MYEF2: variants seen among roughly 807,000 people sequenced by gnomAD.
MYEF2 encodes myelin gene expression factor 2.
MYEF2 carries 37 observed loss-of-function variants against 75.2 expected under a neutral mutation model. The ratio of observed to expected loss-of-function variants is 0.49; its 90% CI spans 0.38 to 0.65. The LOEUF is 0.65. MYEF2 is among the 30% of genes least tolerant of loss of function. MYEF2 has a pLI of 0.00. For synonymous variants in MYEF2, 195 were observed against 241.6 expected (o/e 0.81, Z 1.79); for missense variants, 634 against 771.4 (o/e 0.82, Z 2.11).
chr15:48,140,886 C>T lies in MYEF2; in HGVS notation c.*2022G>A, dbSNP rs9302141. Reference sequence around the variant, plus strand: ...CTCACTGGCAGAATTTTAGCTGTTACGTATCTTTAGATATGTCATTAAAAA... The same window carrying T: ...CTCACTGGCAGAATTTTAGCTGTTATGTATCTTTAGATATGTCATTAAAAA... On this transcript the variant is annotated 3_prime_UTR_variant, in exon 17 of 17. Transcript: ENST00000324324. 2,342 of 392,520 alleles carry T rather than the reference C, an allele frequency of 6.0e-3. 11 individuals are homozygous for T. Among genetic ancestry groups the T allele is most frequent in the Non-Finnish European group, 7.3e-3 (1,565 of 213,094 alleles). The allele number at this position is 392,520 out of a possible 1,614,324, so 24.3% of individuals were successfully genotyped here.
intron 5 of MYEF2, 44 bp downstream of exon 5, chr15:48,165,889 T>A: frequency 7.4e-7 from 1 of 1,351,732 alleles, no homozygotes; most frequent in Non-Finnish European, 1.0e-6. Context: ...GGAAAACATG[T>A]CTTTATAGTC....
At chr15:48,143,159 G>A (rs189243405) in intron 16 of MYEF2, 88 bp from the exon 17 acceptor site, 2 of 756,606 alleles carry the variant, frequency 2.6e-6, no homozygotes, top group Admixed American at 4.1e-5. Context: ...AGCCAATTGT[G>A]ATAATTAATT....
In MYEF2 at chr15:48,137,551, A is replaced by G. The variant is rs964627602; in HGVS notation, c.*5357T>C. ...TGATGTTCACCGAACTAAAATATGA[A>G]GAGACAAAGAGGTCTGTAAGAGAGG... On this transcript the variant is annotated 3_prime_UTR_variant, in exon 17 of 17. Transcript: ENST00000324324. 11 of 152,232 alleles carry G rather than the reference A, an allele frequency of 7.2e-5. No homozygotes were observed. Among genetic ancestry groups the G allele is most frequent in the African/African-American group, 1.2e-4 (5 of 41,444 alleles). The allele number at this position is 152,232 out of a possible 1,614,324, so 9.4% of individuals were successfully genotyped here. A position where few individuals can be genotyped will look rare whatever the true frequency, so the allele number is the denominator to read the frequency against.
At position 48,139,041 on chromosome 15, in the gene MYEF2, T is replaced by C. The variant is rs373246676; in HGVS notation, c.*3867A>G. ...TTTTGGGTATTATCCCTTCCTATTA[T>C]TACATTACTTTTTCTAACCACACCA... is the stretch of plus-strand genomic sequence containing the variant. On this transcript the variant is annotated 3_prime_UTR_variant, in exon 17 of 17. Coordinates refer to ENST00000324324, the MANE Select transcript of MYEF2 (RefSeq NM_016132.5). The C allele has an allele frequency of 2.5e-6, 4 of 1,613,156 alleles. No homozygotes were observed. The highest frequency in any genetic ancestry group is 3.4e-6 in the Non-Finnish European group (4 of 1,179,326).
At chr15:48,173,625 A>G (rs1286498767) in intron 1 of MYEF2, among the ~76,000 whole-genome samples, 2 of 152,162 alleles carry the variant, frequency 1.3e-5, no homozygotes, top group Non-Finnish European at 2.9e-5. Context: ...CAACACCAAA[A>G]AAACTATTAG....
At position 48,137,578 on chromosome 15, in the gene MYEF2, T is replaced by C. The variant is rs996064480; in HGVS notation, c.*5330A>G. ...AGACAAAGAGGTCTGTAAGAGAGGC[T>C]ATTACAACAGCTGATGTGTTTACTA... is the stretch of plus-strand genomic sequence containing the variant. On this transcript the variant is annotated 3_prime_UTR_variant, in exon 17 of 17. Coordinates refer to ENST00000324324, the MANE Select transcript of MYEF2 (RefSeq NM_016132.5). 2 of 152,120 alleles carry C rather than the reference T, an allele frequency of 1.3e-5. No homozygotes were observed. Among genetic ancestry groups the C allele is most frequent in the Non-Finnish European group, 2.9e-5 (2 of 68,040 alleles). The allele number at this position is 152,120 out of a possible 1,614,324, so 9.4% of individuals were successfully genotyped here. A position where few individuals can be genotyped will look rare whatever the true frequency, so the allele number is the denominator to read the frequency against.
At chr15:48,169,113 A>G (rs1015521788) in intron 1 of MYEF2, among the ~76,000 whole-genome samples, 1 of 152,186 alleles carries the variant, frequency 6.6e-6, no homozygotes, top group African/African-American at 2.4e-5. Flanking sequence ...TTCCCATCAC[A>G]CTACTTAATT....
chr15:48,150,211 T>C (rs1461932073), intron 14 of MYEF2, among the ~76,000 whole-genome samples: 1 of 151,704 alleles, frequency 6.6e-6, no homozygotes. Context: ...GAATAACCAA[T>C]ATAAAATCAG....
Position 48,136,885 on chromosome 15 carries a change from G to C in MYEF2, c.*6023C>G, listed in dbSNP as rs149836406. 60 of 1,613,710 alleles carry C rather than the reference G, an allele frequency of 3.7e-5. 1 individual carries two copies. Among genetic ancestry groups the C allele is most frequent in the Non-Finnish European group, 5.1e-6 (6 of 1,179,808 alleles). On this transcript the variant is annotated 3_prime_UTR_variant, in exon 17 of 17. Transcript: ENST00000324324. ...ATTCATTCGTCGGCAATCAAGAACT[G>C]ATAGTGGAATATTTTATGAAGATTC...
chr15:48,165,386 A>C (rs1005563859), intron 5 of MYEF2, among the ~76,000 whole-genome samples: 1 of 152,118 alleles, frequency 6.6e-6, no homozygotes, highest in South Asian at 2.1e-4. Context: ...ACCTGTTTAC[A>C]CTGCTACAAT....
In MYEF2 at chr15:48,159,714, T is replaced by C. The variant is rs764332689; in HGVS notation, c.616A>G (p.Met206Val). 1.2e-6 allele frequency: 2 copies of C among 1,613,672 alleles called. No homozygotes were observed. Among genetic ancestry groups the C allele is most frequent in the Non-Finnish European group, 1.7e-6 (2 of 1,179,742 alleles). The part of the protein sequence containing the change: ...GHVPDMGSGL[M>V]NLPPSILNNP... ...TTGAGTATGGAAGGTGGTAAATTCA[T>C]CAACCCTGATCCCATATCAGGGACG... Residue 206 changes from methionine to valine, a missense_variant, in exon 6 of 17, where the codon ATG becomes GTG. Physicochemically the swap from Met to Val is conservative, Grantham distance 21. Transcript: ENST00000324324.
intron 5 of MYEF2, among the ~76,000 whole-genome samples, chr15:48,163,394 G>C (rs1243896498): frequency 6.6e-6 from 1 of 152,186 alleles, no homozygotes. Context: ...TATGAAGGCT[G>C]AGAGAGGTGA....
Position 48,139,329 on chromosome 15 carries a change from C to A in MYEF2, c.*3579G>T, listed in dbSNP as rs1400815832. Reference sequence around the variant, plus strand: ...ACAAAATGATTAAGTATTACTATAACAAGATCACTGGAGTTTGTGAGTTGC... The same window carrying A: ...ACAAAATGATTAAGTATTACTATAAAAAGATCACTGGAGTTTGTGAGTTGC... On this transcript the variant is annotated 3_prime_UTR_variant, in exon 17 of 17. Coordinates refer to ENST00000324324, the MANE Select transcript of MYEF2 (RefSeq NM_016132.5). 2 of 584,222 alleles carry A rather than the reference C, an allele frequency of 3.4e-6. No individual in the cohort carries two copies. The highest frequency in any genetic ancestry group is 1.9e-5 in the African/African-American group (1 of 53,946). 36.2% of individuals were successfully genotyped at this position (584,222 alleles called of 1,614,324 possible). A position where few individuals can be genotyped will look rare whatever the true frequency, so the allele number is the denominator to read the frequency against.
chr15:48,160,615 T>C (rs1283793166), intron 5 of MYEF2, among the ~76,000 whole-genome samples: 2 of 151,898 alleles, frequency 1.3e-5, no homozygotes, highest in African/African-American at 2.4e-5. Flanking sequence ...TAGACTATCA[T>C]CTGCAATGCC....
At position 48,149,993 on chromosome 15, in the gene MYEF2, G is replaced by C. The variant is rs1279649180; in HGVS notation, c.1379-622C>G. On this transcript the variant is annotated intron_variant, in intron 14 of 16. Transcript: ENST00000324324. The surrounding 1 kb of genome is among the most constrained non-coding windows in gnomAD (Gnocchi z 4.0). Reference sequence around the variant, plus strand: ...TCAATATTACACGGAACTTGTCAAGGGAACAAAAAATGCTATCACTTCCCG... The same window carrying C: ...TCAATATTACACGGAACTTGTCAAGCGAACAAAAAATGCTATCACTTCCCG... 6.6e-6 allele frequency: 1 copy of C among 151,838 alleles called. No individual in the cohort carries two copies. The highest frequency in any genetic ancestry group is 6.6e-5 in the Admixed American group (1 of 15,180). The allele number at this position is 151,838 out of a possible 1,614,324, so 9.4% of individuals were successfully genotyped here.
In MYEF2 at chr15:48,138,991, GC is replaced by G. The variant is rs762506377; in HGVS notation, c.*3916del. 3.7e-5 allele frequency: 60 copies of G among 1,612,422 alleles called. No individual in the cohort carries two copies. The highest frequency in any genetic ancestry group is 5.0e-5 in the Non-Finnish European group (59 of 1,179,046). On this transcript the variant is annotated 3_prime_UTR_variant, in exon 17 of 17. Coordinates refer to ENST00000324324, the MANE Select transcript of MYEF2 (RefSeq NM_016132.5). Reference sequence around the variant, plus strand: ...CAGATCCACCAAGTGTTTTCAACATGCCTGAAGCAGACTTAAAAAGAATTTT... The same window carrying G: ...CAGATCCACCAAGTGTTTTCAACATGCTGAAGCAGACTTAAAAAGAATTTT...
chr15:48,151,775 A>G, intron 12 of MYEF2, 99 bp downstream of exon 12: 1 of 1,412,062 alleles, frequency 7.1e-7, no homozygotes, highest in Admixed American at 1.7e-5. Context: ...ATGCCTTCTG[A>G]AGACATTTTT....
chr15:48,158,804 G>T lies in MYEF2; in HGVS notation c.836C>A (p.Thr279Asn), dbSNP rs1416623446. ...DGKSRGMGTV[T>N]FEQAIEAVQA... is the part of the protein sequence containing the mutation. ...AACTGCTTCAATTGCTTGCTCAAAA[G>T]TGACAGTGCCCATTCCTCTGCTCTT... Residue 279 changes from threonine (T) to asparagine (N), a missense_variant, in exon 7 of 17, where the codon ACT (threonine) becomes AAT (asparagine). Thr to Asn is a moderately conservative substitution (Grantham distance 65). Coordinates refer to ENST00000324324, the MANE Select transcript of MYEF2 (RefSeq NM_016132.5). The T allele has an allele frequency of 6.2e-7, 1 of 1,613,722 alleles. No homozygotes were observed. Among genetic ancestry groups the T allele is most frequent in the South Asian group, 1.1e-5 (1 of 91,068 alleles).
At chr15:48,158,526 A>G (rs1383359685) in intron 7 of MYEF2, among the ~76,000 whole-genome samples, 1 of 152,180 alleles carries the variant, frequency 6.6e-6, no homozygotes, top group Non-Finnish European at 1.5e-5. Context: ...CATGTATACA[A>G]TTAATTGTGG....
Sources: gnomAD v4.1 joint callset for allele counts (sites outside exome capture counted in the v4.1 genomes callset) on GRCh38, gnomAD v4.1.1 for gene constraint, Gnocchi (gnomAD v3.1) non-coding constraint, MANE v1.5 for transcripts, NCBI Gene and HGNC (gene_info 2026-07-23, HGNC 2026-07-21) for gene names.